DENND3: variants seen among roughly 807,000 people sequenced by gnomAD.
DENND3 encodes DENN domain-containing protein 3.
Under a neutral mutation model 135.1 loss-of-function variants are expected in DENND3, and 88 were observed. That is an observed-to-expected ratio of 0.65 (90% confidence interval 0.55 to 0.78). The LOEUF (loss-of-function observed/expected upper bound fraction) is 0.78, where lower values mean the gene tolerates loss of function less well. Ranked by LOEUF, DENND3 falls within the 30% of genes least tolerant of loss-of-function variation. The pLI is 0.00. For missense variants in DENND3, 1,392 were observed against 1,688.4 expected (o/e 0.82, Z 3.08); for synonymous variants, 693 against 712.3 (o/e 0.97, Z 0.43).
chr8:141,190,514 C>G (rs958422186), intron 20 of DENND3, 97 bp downstream of exon 20: 1 of 1,428,704 alleles, frequency 7.0e-7, no homozygotes, highest in Non-Finnish European at 9.2e-7. Context: ...CTTTGCTTCA[C>G]GCCTTTCCAG....
In DENND3 at chr8:141,189,128, A is replaced by G. The variant is rs749329849; in HGVS notation, c.3227A>G (p.Asp1076Gly). ...AGTGTCACGGATTTGATTGTGCAGG[A>G]CGGACAGGAGGCACCCAGGTGCAGT... ...CSSVTDLIVQDGQEAPSNVYS... is the reference protein window; with the variant it reads ...CSSVTDLIVQGGQEAPSNVYS... Residue 1076 changes from aspartate (D) to glycine (G), a missense_variant, in exon 19 of 23, where the codon GAC becomes GGC. By Grantham distance (94) the Asp-to-Gly change is moderately conservative. Coordinates refer to ENST00000519811, the MANE Select transcript of DENND3 (RefSeq NM_001352890.3). 12 of 1,614,090 alleles carry G rather than the reference A, an allele frequency of 7.4e-6. No homozygotes were observed. Among genetic ancestry groups the G allele is most frequent in the Non-Finnish European group, 1.0e-5 (12 of 1,180,038 alleles).
intron 1 of DENND3, among the ~76,000 whole-genome samples, chr8:141,134,159 G>T (rs954259640): frequency 6.6e-6 from 1 of 152,110 alleles, no homozygotes; most frequent in Non-Finnish European, 1.5e-5. Context: ...CATTAGTTGG[G>T]TCAGAACTGT....
At chr8:141,176,282 C>G (rs143860879) in intron 14 of DENND3, 2 of 86,922 alleles carry the variant, frequency 2.3e-5, no homozygotes, top group African/African-American at 4.6e-5. Context: ...AAAACAAAAA[C>G]AAAACAAAAA....
In DENND3 at chr8:141,167,072, C is replaced by T. The variant is rs564044341; in HGVS notation, c.1753+683C>T. Among the ~76,000 whole-genome samples, 7 of 152,308 alleles carry T rather than the reference C, an allele frequency of 4.6e-5. No homozygotes were observed. In the East Asian group the frequency reaches 7.7e-4, roughly 17 times the overall value. On this transcript the variant is annotated intron_variant, in intron 12 of 22. Transcript: ENST00000519811. The surrounding 1 kb of genome is among the most constrained non-coding windows in gnomAD (Gnocchi z 4.1). ...CTGTGCTGGGACCCCAGGAGCTGCA[C>T]GAGTGACACCTTGATGACCCCGAGG...
chr8:141,160,543 G>A (rs959149504), intron 8 of DENND3, 89 bp from the exon 9 acceptor site: 2 of 1,397,880 alleles, frequency 1.4e-6, no homozygotes, highest in African/African-American at 2.9e-5. Context: ...TGTCTGTGAA[G>A]TGTTCATTTA....
Position 141,139,182 on chromosome 8 carries a change from C to G in DENND3, c.501+1045C>G, listed in dbSNP as rs1288350973. On this transcript the variant is annotated intron_variant, in intron 3 of 22. Transcript: ENST00000519811. This position sits in a 1 kb window ranked among gnomAD's most constrained non-coding sequence, Gnocchi z 4.2. ...GGGAAGTCTGTGAGTTCCATGCAGT[C>G]GAGAGAAATGGCTGGCCTGGATTCC... is the stretch of plus-strand genomic sequence containing the variant. 6.6e-6 allele frequency among the ~76,000 whole-genome samples: 1 copy of G among 152,084 alleles called. No individual in the cohort carries two copies. The highest frequency in any genetic ancestry group is 2.4e-5 in the African/African-American group (1 of 41,392).
Position 141,128,704 on chromosome 8 carries a change from A to G in DENND3, c.-4A>G. Reference sequence around the variant, plus strand: ...GCGGTACTGGCGGCGGGCGGCGGGCAGCCATGGCGGAGGCCGCGTCGCCGC... The same window carrying G: ...GCGGTACTGGCGGCGGGCGGCGGGCGGCCATGGCGGAGGCCGCGTCGCCGC... On this transcript the variant is annotated 5_prime_UTR_variant, in exon 1 of 23. Coordinates refer to ENST00000519811, the MANE Select transcript of DENND3 (RefSeq NM_001352890.3). This position sits in a 1 kb window ranked among gnomAD's most constrained non-coding sequence, Gnocchi z 4.5. 10 of 1,382,276 alleles carry G rather than the reference A, an allele frequency of 7.2e-6. No individual in the cohort carries two copies. The highest frequency in any genetic ancestry group is 9.4e-6 in the Non-Finnish European group (10 of 1,068,474). The allele number at this position is 1,382,276 out of a possible 1,614,324, so 85.6% of individuals were successfully genotyped here.
intron 5 of DENND3, chr8:141,150,187 G>A (rs1476494281): frequency 1.9e-6 from 1 of 519,312 alleles, no homozygotes; most frequent in African/African-American, 2.0e-5. Context: ...CAGCACCCGG[G>A]TGGCAGGAAC....
At position 141,146,209 on chromosome 8, in the gene DENND3, G is replaced by C. The variant is rs1476650462; in HGVS notation, c.735+1950G>C. Among the ~76,000 whole-genome samples the C allele has an allele frequency of 6.6e-6, 1 of 152,078 alleles. No individual in the cohort carries two copies. Among genetic ancestry groups the C allele is most frequent in the Non-Finnish European group, 1.5e-5 (1 of 68,010 alleles). ...CAGTGTGATTAATGAGAAGTAACTG[G>C]TTTTATATTTTTTGTTACTCTTAGA... On this transcript the variant is annotated intron_variant, in intron 5 of 22. Transcript: ENST00000519811. The surrounding 1 kb of genome is among the most constrained non-coding windows in gnomAD (Gnocchi z 4.3).
At chr8:141,143,927 C>G (rs765732844) in intron 4 of DENND3, 5 of 474,740 alleles carry the variant, frequency 1.1e-5, no homozygotes, top group Non-Finnish European at 1.9e-5. Context: ...AGGACTTCCC[C>G]TTCCAAAATA....
Position 141,150,951 on chromosome 8 carries a change from C to A in DENND3, c.853C>A (p.Gln285Lys), listed in dbSNP as rs745572734. ...LLCFRPEKVL[Q>K]ILTCILTEQR... ...GTGCTTCAGGCCTGAGAAGGTGCTA[C>A]AGGTACGCGGCCCCGCCCCGGCGAG... The change falls in exon 6 of 23, where the codon CAG becomes AAG. Residue 285 changes from glutamine to lysine, a missense_variant and splice_region_variant. Physicochemically the swap from Gln to Lys is moderately conservative, Grantham distance 53. Coordinates refer to ENST00000519811, the MANE Select transcript of DENND3 (RefSeq NM_001352890.3). 2.6e-6 allele frequency: 4 copies of A among 1,566,888 alleles called. No individual in the cohort carries two copies. The highest frequency in any genetic ancestry group is 3.4e-6 in the Non-Finnish European group (4 of 1,161,252).
rs569831228 is a variant in DENND3, at chr8:141,139,649, A to T, written c.501+1512A>T. On this transcript the variant is annotated intron_variant, in intron 3 of 22. Coordinates refer to ENST00000519811, the MANE Select transcript of DENND3 (RefSeq NM_001352890.3). The surrounding 1 kb of genome is among the most constrained non-coding windows in gnomAD (Gnocchi z 4.2). ...AAAGCACCTTGGGAGTTTGCTTGTG[A>T]AATAACACTTACCAGGAGCAATGCG... Among the ~76,000 whole-genome samples, 1 of 152,350 alleles carries T rather than the reference A, an allele frequency of 6.6e-6. No homozygotes were observed. The highest frequency in any genetic ancestry group is 2.1e-4 in the South Asian group (1 of 4,832).
At chr8:141,152,745 T>C (rs543475454) in intron 7 of DENND3, among the ~76,000 whole-genome samples, 1 of 152,340 alleles carries the variant, frequency 6.6e-6, no homozygotes, top group South Asian at 2.1e-4. Flanking sequence ...GTGCTTTCGT[T>C]TCTCTCGGGT....
intron 10 of DENND3, 66 bp from the exon 11 acceptor site, chr8:141,165,120 G>T: frequency 7.9e-7 from 1 of 1,266,594 alleles, no homozygotes; most frequent in Non-Finnish European, 1.1e-6. Flanking sequence ...GGAAGGCTCA[G>T]GGGCTTTGGA....
At chr8:141,134,170 C>G (rs193197840) in intron 1 of DENND3, among the ~76,000 whole-genome samples, 85 of 152,132 alleles carry the variant, frequency 5.6e-4, no homozygotes, top group Middle Eastern at 3.4e-3. Flanking sequence ...TCAGAACTGT[C>G]CATTCTGATG....
At chr8:141,178,936 G>A (rs1460864424) in intron 16 of DENND3, among the ~76,000 whole-genome samples, 2 of 152,252 alleles carry the variant, frequency 1.3e-5, no homozygotes, top group Non-Finnish European at 2.9e-5. Flanking sequence ...AGTGAGCACT[G>A]GCGTGGCCTC....
rs769268937 is a variant in DENND3, at chr8:141,138,740, G to A, written c.501+603G>A. ...GTATTCTGGACACTTCGTGTAAGTG[G>A]ACTCATACAGCATGTGGCCTGCTTG... On this transcript the variant is annotated intron_variant, in intron 3 of 22. Transcript: ENST00000519811. The surrounding 1 kb of genome is among the most constrained non-coding windows in gnomAD (Gnocchi z 4.8). Among the ~76,000 whole-genome samples the A allele has an allele frequency of 1.3e-5, 2 of 152,166 alleles. No homozygotes were observed. Among genetic ancestry groups the A allele is most frequent in the Non-Finnish European group, 2.9e-5 (2 of 68,030 alleles).
At position 141,194,291 on chromosome 8, in the gene DENND3, TAGAGCCTGCCAGGAGC is replaced by T; in HGVS notation, c.*62_*77del. ...CTATGTGTGGGGACTGGCTGCCCCCTAGAGCCTGCCAGGAGCAGAAGCCTGGAGGGGTGGCAGGGCA... is the reference window on the plus strand; with the variant it reads ...CTATGTGTGGGGACTGGCTGCCCCCTAGAAGCCTGGAGGGGTGGCAGGGCA... On this transcript the variant is annotated 3_prime_UTR_variant, in exon 23 of 23. Transcript: ENST00000519811. 6.4e-7 allele frequency: 1 copy of T among 1,563,634 alleles called. No individual in the cohort carries two copies. Among genetic ancestry groups the T allele is most frequent in the Non-Finnish European group, 8.7e-7 (1 of 1,150,868 alleles).
chr8:141,153,813 C>T (rs1589599456), intron 7 of DENND3, among the ~76,000 whole-genome samples: 2 of 152,210 alleles, frequency 1.3e-5, no homozygotes, highest in African/African-American at 4.8e-5. Flanking sequence ...GTTTCAGGCT[C>T]TTTTAGGAGG....
Sources: gnomAD v4.1 joint callset for allele counts (sites outside exome capture counted in the v4.1 genomes callset) on GRCh38, gnomAD v4.1.1 for gene constraint, Gnocchi (gnomAD v3.1) non-coding constraint, MANE v1.5 for transcripts, NCBI Gene and HGNC (gene_info 2026-07-23, HGNC 2026-07-21) for gene names.